The following METTL15 variants were observed in gnomAD, a reference collection of about 807,000 sequenced individuals.
METTL15 encodes 12S rRNA N(4)-cytidine methyltransferase METTL15.
In METTL15, 34 loss-of-function variants were observed where a neutral mutation model predicts 38.3. That is an observed-to-expected ratio of 0.89 (90% CI 0.68 to 1.18). METTL15 has a LOEUF of 1.18. Ranked by LOEUF, METTL15 falls within the 50% of genes most tolerant of loss-of-function variation. The pLI is 0.00. For missense variants in METTL15, 438 were observed against 498.4 expected, an observed-to-expected ratio of 0.88 and a Z score of 1.15; for synonymous variants, 162 against 170.9, an observed-to-expected ratio of 0.95 and a Z score of 0.41.
chr11:28,521,717 G>C (rs946022997), intron 6 of METTL15, among the ~76,000 whole-genome samples: 2 of 151,868 alleles, frequency 1.3e-5, no homozygotes, highest in Non-Finnish European at 2.9e-5. Context: ...GTAGGGTCAG[G>C]GTATTATTAT....
At chr11:28,287,493 A>G in intron 4 of METTL15, 1 of 375,614 alleles carries the variant, frequency 2.7e-6, no homozygotes, top group Non-Finnish European at 5.1e-6. Context: ...CGCCCATGTA[A>G]TCATGCTGCA....
intron 6 of METTL15, among the ~76,000 whole-genome samples, chr11:28,464,264 A>G (rs1362783780): frequency 6.6e-6 from 1 of 152,152 alleles, no homozygotes; most frequent in Non-Finnish European, 1.5e-5. Context: ...TATATATCAT[A>G]TGAATGGGAA....
chr11:28,359,250 C>T (rs914315465), intron 4 of METTL15, among the ~76,000 whole-genome samples: 1 of 152,282 alleles, frequency 6.6e-6, no homozygotes, highest in South Asian at 2.1e-4. Context: ...CATGTTGCTG[C>T]AAATGGCATA....
intron 3 of METTL15, among the ~76,000 whole-genome samples, chr11:28,129,609 C>T (rs546427240): frequency 1.3e-5 from 2 of 152,060 alleles, no homozygotes; most frequent in Middle Eastern, 3.4e-3. Context: ...GGGATTTCAC[C>T]GTGTTGGCCA....
intron 6 of METTL15, among the ~76,000 whole-genome samples, chr11:28,313,179 A>G (rs897189999): frequency 6.6e-6 from 1 of 152,138 alleles, no homozygotes. Context: ...CTAAAATAGG[A>G]TAATGGTTTC....
At chr11:28,473,699 G>C (rs1851320636) in intron 6 of METTL15, among the ~76,000 whole-genome samples, 3 of 152,102 alleles carry the variant, frequency 2.0e-5, no homozygotes, top group Admixed American at 2.0e-4. Flanking sequence ...CTCCGCAGGA[G>C]ATAAAGAATG....
chr11:28,239,722 A>G (rs1854206001), intron 4 of METTL15, among the ~76,000 whole-genome samples: 1 of 152,198 alleles, frequency 6.6e-6, no homozygotes, highest in Middle Eastern at 3.4e-3. Flanking sequence ...CTCTTCCCAG[A>G]TGTTCTGTGG....
intron 6 of METTL15, among the ~76,000 whole-genome samples, chr11:28,479,788 A>G (rs182979653): frequency 2.8e-4 from 42 of 152,332 alleles, no homozygotes; most frequent in Admixed American, 9.8e-4. Context: ...TTGGATATAA[A>G]TATGTACATG....
At chr11:28,277,738 C>T (rs1156691055) in intron 4 of METTL15, among the ~76,000 whole-genome samples, 1 of 151,922 alleles carries the variant, frequency 6.6e-6, no homozygotes, top group Non-Finnish European at 1.5e-5. Flanking sequence ...GGAATCACGT[C>T]ATTTGAAGTA....
At chr11:28,290,966 A>G (rs1440820432) in intron 5 of METTL15, among the ~76,000 whole-genome samples, 1 of 152,082 alleles carries the variant, frequency 6.6e-6, no homozygotes, top group Non-Finnish European at 1.5e-5. Context: ...TCCTGGAAAT[A>G]CTAGCATTTA....
chr11:28,113,680 G>A, intron 3 of METTL15, 76 bp downstream of exon 3: 1 of 1,504,146 alleles, frequency 6.6e-7, no homozygotes, highest in South Asian at 1.3e-5. Flanking sequence ...TTATTTTAAG[G>A]TATACAATTC....
intron 5 of METTL15, among the ~76,000 whole-genome samples, chr11:28,397,479 C>G (rs1223628275): frequency 6.6e-6 from 1 of 152,122 alleles, no homozygotes; most frequent in Non-Finnish European, 1.5e-5. Flanking sequence ...CCAAAAGACA[C>G]ATGAAAAAAT....
intron 4 of METTL15, among the ~76,000 whole-genome samples, chr11:28,240,274 C>T (rs982134708): frequency 3.3e-5 from 5 of 152,110 alleles, no homozygotes; most frequent in Middle Eastern, 3.4e-3. Flanking sequence ...ATACTTTGTT[C>T]GTAAATATTT....
intron 4 of METTL15, among the ~76,000 whole-genome samples, chr11:28,284,531 A>G (rs1201109391): frequency 6.6e-6 from 1 of 152,200 alleles, no homozygotes; most frequent in Non-Finnish European, 1.5e-5. Flanking sequence ...AGGACTGTAG[A>G]AAATGCATAA....
At chr11:28,360,245 A>G (rs1377321355) in intron 4 of METTL15, among the ~76,000 whole-genome samples, 1 of 152,166 alleles carries the variant, frequency 6.6e-6, no homozygotes, top group Non-Finnish European at 1.5e-5. Flanking sequence ...AGACAAGTGT[A>G]AGATGGGCCT....
intron 4 of METTL15, among the ~76,000 whole-genome samples, chr11:28,235,995 T>G (rs1264992924): frequency 1.3e-5 from 2 of 152,008 alleles, no homozygotes; most frequent in African/African-American, 2.4e-5. Context: ...ATACCTAATT[T>G]ATTGAGAGTT....
chr11:28,495,056 T>C (rs1471067356), intron 6 of METTL15, among the ~76,000 whole-genome samples: 1 of 152,244 alleles, frequency 6.6e-6, no homozygotes, highest in African/African-American at 2.4e-5. Flanking sequence ...TTATTTTAAG[T>C]TCATTTATTC....
intron 5 of METTL15, among the ~76,000 whole-genome samples, chr11:28,406,164 T>G (rs982675853): frequency 1.3e-5 from 2 of 152,186 alleles, no homozygotes; most frequent in East Asian, 3.9e-4. Flanking sequence ...GGTAGTTTAA[T>G]GGGAATAGCA....
At chr11:28,434,153 G>A (rs1850961111) in intron 6 of METTL15, among the ~76,000 whole-genome samples, 1 of 152,098 alleles carries the variant, frequency 6.6e-6, no homozygotes, top group African/African-American at 2.4e-5. Context: ...TTGTGATAGT[G>A]AGTTAGTTCT....
Sources: gnomAD v4.1 joint callset for allele counts (sites outside exome capture counted in the v4.1 genomes callset) on GRCh38, gnomAD v4.1.1 for gene constraint, MANE v1.5 for transcripts, NCBI Gene and HGNC (gene_info 2026-07-23, HGNC 2026-07-21) for gene names.